Variants in IL1R2 observed in about 807,000 individuals in gnomAD.
IL1R2 encodes interleukin 1 receptor type 2.
IL1R2 carries 46 observed loss-of-function variants against 39.5 expected under a neutral mutation model. The ratio of observed to expected loss-of-function variants is 1.16; its 90% CI spans 0.92 to 1.49. The LOEUF (loss-of-function observed/expected upper bound fraction) is 1.49. IL1R2 is among the 40% of genes most tolerant of loss of function. The probability of loss-of-function intolerance (pLI) is 0.00; values close to 1 mark genes in which losing one functional copy is unlikely to be tolerated. For synonymous variants in IL1R2, 207 were observed against 189.6 expected (o/e 1.09, Z -0.75); for missense variants, 537 against 502.0 (o/e 1.07, Z -0.67).
intron 3 of IL1R2, among the ~76,000 whole-genome samples, chr2:102,015,353 A>C (rs1307330692): frequency 6.6e-6 from 1 of 152,196 alleles, no homozygotes; most frequent in East Asian, 1.9e-4. Context: ...TTTTCTGTAC[A>C]ATTATGTTAC....
At position 102,012,683 on chromosome 2, in the gene IL1R2, C is replaced by T. The variant is rs569993769; in HGVS notation, c.332+2857C>T. Among the ~76,000 whole-genome samples the T allele has an allele frequency of 3.1e-4, 47 of 152,286 alleles. 1 individual carries two copies. Among genetic ancestry groups the T allele is most frequent in the African/African-American group, 1.1e-3 (45 of 41,550 alleles). On this transcript the variant is annotated intron_variant, in intron 3 of 8. Coordinates refer to ENST00000332549, the MANE Select transcript of IL1R2 (RefSeq NM_004633.4). ...GGTTTAATCCTGTCAATGAACCTTG[C>T]CTAAGAAGCAGGCAAACCATCTTCT...
At chr2:102,007,903 A>T (rs1676364749) in intron 1 of IL1R2, among the ~76,000 whole-genome samples, 1 of 152,254 alleles carries the variant, frequency 6.6e-6, no homozygotes, top group Admixed American at 6.5e-5. Flanking sequence ...CTCTCTGCTT[A>T]GGAACAAAAG....
chr2:102,020,991 A>T (rs1344710568), intron 5 of IL1R2, among the ~76,000 whole-genome samples: 1 of 152,100 alleles, frequency 6.6e-6, no homozygotes, highest in Non-Finnish European at 1.5e-5. Context: ...CCCCCGGGTG[A>T]TGCTGGGGAC....
In IL1R2 at chr2:102,026,170, C is replaced by T. The variant is rs753377905; in HGVS notation, c.947C>T (p.Thr316Ile). The T allele has an allele frequency of 1.2e-6, 2 of 1,610,452 alleles. No homozygotes were observed. Among genetic ancestry groups the T allele is most frequent in the Non-Finnish European group, 1.7e-6 (2 of 1,176,746 alleles). The change falls in exon 8 of 9, where the codon ACA (threonine) becomes ATA (isoleucine). Residue 316 changes from threonine (T) to isoleucine (I), a missense_variant. Thr to Ile is a moderately conservative substitution (Grantham distance 89). Transcript: ENST00000332549. ...GTGCCATTGATTTTTGATCCTGTCA[C>T]AAGAGAGGATTTGCACATGGATTTT... ...IEVPLIFDPVTREDLHMDFKC... is the reference protein window; with the variant it reads ...IEVPLIFDPVIREDLHMDFKC...
In IL1R2 at chr2:102,005,457, C is replaced by A. The variant is rs149895851; in HGVS notation, c.-61-3058C>A. ...TATATTGGGAATAGGCTTGGCTGTG[C>A]GTGACAGAAAGCCTGGACACATAAA... On this transcript the variant is annotated intron_variant, in intron 1 of 8. Coordinates refer to ENST00000332549, the MANE Select transcript of IL1R2 (RefSeq NM_004633.4). Among the ~76,000 whole-genome samples, 513 of 152,260 alleles carry A rather than the reference C, an allele frequency of 3.4e-3. 4 individuals are homozygous for A. Among genetic ancestry groups the A allele is most frequent in the African/African-American group, 0.012 (493 of 41,556 alleles).
chr2:102,022,990 C>G (rs184707904), intron 6 of IL1R2, among the ~76,000 whole-genome samples: 1 of 152,176 alleles, frequency 6.6e-6, no homozygotes, highest in Non-Finnish European at 1.5e-5. Flanking sequence ...CAGGGCATCA[C>G]GTTGGCTCAG....
rs1289177671 is a variant in IL1R2, at chr2:102,002,292, G to A, written c.-61-6223G>A. Among the ~76,000 whole-genome samples the A allele has an allele frequency of 3.7e-5, 5 of 134,586 alleles. No homozygotes were observed. The South Asian group carries it at 1.1e-3, about 29-fold the overall frequency. The allele number at this position is 134,586 out of a possible 152,430, so 88.3% of individuals were successfully genotyped here. On this transcript the variant is annotated intron_variant, in intron 1 of 8. Coordinates refer to ENST00000332549, the MANE Select transcript of IL1R2 (RefSeq NM_004633.4). ...TGTCTATGTCTATGTCTGTGTCTGTGTGTCTGTGTCTGTGTCTGTGTCTGT... is the reference window on the plus strand; with the variant it reads ...TGTCTATGTCTATGTCTGTGTCTGTATGTCTGTGTCTGTGTCTGTGTCTGT...
chr2:101,997,961 G>C (rs1675670765), intron 1 of IL1R2, among the ~76,000 whole-genome samples: 1 of 152,100 alleles, frequency 6.6e-6, no homozygotes, highest in Admixed American at 6.5e-5. Flanking sequence ...TACCAGGAAG[G>C]AACTTCCCCT....
rs760435724 is a variant in IL1R2, at chr2:102,009,765, G to A, written c.271G>A (p.Gly91Ser). Reference sequence around the variant, plus strand: ...AGAGACACGGATGTGGGCCCAGGACGGTGCTCTGTGGCTTCTGCCAGCCTT... The same window carrying A: ...AGAGACACGGATGTGGGCCCAGGACAGTGCTCTGTGGCTTCTGCCAGCCTT... The part of the protein sequence containing the change: ...EEETRMWAQD[G>S]ALWLLPALQE... The change falls in exon 3 of 9, where the codon GGT becomes AGT. Residue 91 changes from glycine (G) to serine (S), a missense_variant. By Grantham distance (56) the Gly-to-Ser change is moderately conservative (BLOSUM62 0). Transcript: ENST00000332549. The A allele has an allele frequency of 1.7e-5, 27 of 1,614,186 alleles. No homozygotes were observed. Among genetic ancestry groups the A allele is most frequent in the South Asian group, 2.2e-5 (2 of 91,092 alleles).
chr2:102,007,892 G>A (rs180954317), intron 1 of IL1R2, among the ~76,000 whole-genome samples: 7 of 152,298 alleles, frequency 4.6e-5, no homozygotes, highest in Non-Finnish European at 7.4e-5. Flanking sequence ...TTATCTGTAC[G>A]CTCTCTGCTT....
rs1260972600 is a variant in IL1R2, at chr2:102,015,934, C to T, written c.396C>T (p.Phe132=). 6.2e-7 allele frequency: 1 copy of T among 1,613,928 alleles called. No homozygotes were observed. The highest frequency in any genetic ancestry group is 8.5e-7 in the Non-Finnish European group (1 of 1,179,832). Residue 132 remains phenylalanine (F), a synonymous_variant, in exon 4 of 9, where the codon TTC becomes TTT. Transcript: ENST00000332549. Reference sequence around the variant, plus strand: ...GAGTTTTTGAGAATACAGATGCTTTCCTGCCGTTCATCTCATACCCGCAAA... The same window carrying T: ...GAGTTTTTGAGAATACAGATGCTTTTCTGCCGTTCATCTCATACCCGCAAA... The part of the protein sequence containing the change: ...ELRVFENTDA[F]LPFISYPQIL...
intron 1 of IL1R2, among the ~76,000 whole-genome samples, chr2:102,000,886 T>G (rs1227470869): frequency 6.6e-6 from 1 of 152,208 alleles, no homozygotes; most frequent in Admixed American, 6.5e-5. Context: ...CTGGAGTTGT[T>G]CAGGGTAGTG....
At chr2:101,996,505 T>G (rs992099670) in intron 1 of IL1R2, among the ~76,000 whole-genome samples, 39 of 137,310 alleles carry the variant, frequency 2.8e-4, no homozygotes, top group African/African-American at 5.8e-4. Flanking sequence ...TTTTTTTTTT[T>G]GGGGGGGAGA....
At chr2:102,027,589 G>C (rs1308268956) in intron 8 of IL1R2, among the ~76,000 whole-genome samples, 1 of 152,204 alleles carries the variant, frequency 6.6e-6, no homozygotes, top group Non-Finnish European at 1.5e-5. Flanking sequence ...CTGAGGTCAT[G>C]TCGATTCCTG....
intron 3 of IL1R2, among the ~76,000 whole-genome samples, chr2:102,014,979 A>T (rs1676902442): frequency 9.3e-6 from 1 of 107,132 alleles, no homozygotes; most frequent in African/African-American, 4.1e-5. Flanking sequence ...AATAATAATC[A>T]TATAATAATA....
Position 102,024,525 on chromosome 2 carries a change from A to G in IL1R2, c.752-8A>G, listed in dbSNP as rs377143078. 4.2e-5 allele frequency: 68 copies of G among 1,611,840 alleles called. No homozygotes were observed. The highest frequency in any genetic ancestry group is 4.0e-4 in the South Asian group (36 of 91,018). ...TGCAGTTGACGTGCTGTGCCTTGCC[A>G]TCCACAGGGTCAAGACTGACAATCC... On this transcript the variant is annotated splice_region_variant and splice_polypyrimidine_tract_variant and intron_variant, in intron 6 of 8. Transcript: ENST00000332549.
rs190949572 is a variant in IL1R2, at chr2:102,021,546, C to T, written c.689-641C>T. On this transcript the variant is annotated intron_variant, in intron 5 of 8. Coordinates refer to ENST00000332549, the MANE Select transcript of IL1R2 (RefSeq NM_004633.4). ...GGTCAGGCTGGTCTCGAACTCCTGACCTGTTGATCCACCTGCCTCGGCCTC... is the reference window on the plus strand; with the variant it reads ...GGTCAGGCTGGTCTCGAACTCCTGATCTGTTGATCCACCTGCCTCGGCCTC... Among the ~76,000 whole-genome samples, 900 of 152,294 alleles carry T rather than the reference C, an allele frequency of 5.9e-3. 2 individuals carry two copies. Among genetic ancestry groups the T allele is most frequent in the Non-Finnish European group, 8.2e-3 (560 of 68,020 alleles).
At chr2:102,000,807 A>T (rs1675819934) in intron 1 of IL1R2, among the ~76,000 whole-genome samples, 1 of 152,170 alleles carries the variant, frequency 6.6e-6, no homozygotes, top group South Asian at 2.1e-4. Flanking sequence ...AATGTACCCA[A>T]GTCTATTTCC....
Position 102,024,574 on chromosome 2 carries a change from G to T in IL1R2, c.793G>T (p.Gly265Cys). Residue 265 changes from glycine (G) to cysteine (C), a missense_variant, in exon 7 of 9, where the codon GGC becomes TGC. Physicochemically the swap from Gly to Cys is radical, Grantham distance 159 (BLOSUM62 -3). Coordinates refer to ENST00000332549, the MANE Select transcript of IL1R2 (RefSeq NM_004633.4). The stretch of plus-strand genomic sequence containing the variant: ...CCCGTGTAAGGTGTTTCTGGGAACC[G>T]GCACACCCTTAACCACCATGCTGTG... ...TIPCKVFLGT[G>C]TPLTTMLWWT... 6.2e-7 allele frequency: 1 copy of T among 1,613,998 alleles called. No individual in the cohort carries two copies. The highest frequency in any genetic ancestry group is 8.5e-7 in the Non-Finnish European group (1 of 1,180,006).
Sources: allele counts gnomAD v4.1 joint callset (sites outside exome capture counted in the v4.1 genomes callset), GRCh38; gene constraint gnomAD v4.1.1; transcripts MANE v1.5; gene names NCBI Gene and HGNC (gene_info 2026-07-23, HGNC 2026-07-21).